The following ADAMTS20 variants were observed in gnomAD, a reference collection of about 807,000 sequenced individuals.
The protein encoded by ADAMTS20 is ADAM metallopeptidase with thrombospondin type 1 motif 20, also known as A disintegrin and metalloproteinase with thrombospondin motifs 20.
ADAMTS20 carries 225 observed loss-of-function variants against 260.1 expected under a neutral mutation model. The observed-to-expected ratio is 0.87, with a 90% CI of 0.78 to 0.97. The LOEUF is 0.97. Ranked by LOEUF, ADAMTS20 falls within the 50% of genes least tolerant of loss-of-function variation. The pLI, the probability that ADAMTS20 is intolerant of heterozygous loss-of-function variation, is 0.00. For synonymous variants in ADAMTS20, 802 were observed against 769.5 expected (o/e 1.04, Z -0.70); for missense variants, 2,400 against 2,337.7 (o/e 1.03, Z -0.55).
At chr12:43,496,157 T>A (rs1462301281) in intron 4 of ADAMTS20, among the ~76,000 whole-genome samples, 2 of 152,304 alleles carry the variant, frequency 1.3e-5, no homozygotes, top group East Asian at 3.9e-4. Flanking sequence ...TGAGTAAATA[T>A]TAAATGATAC....
chr12:43,500,599 T>A (rs761860322), intron 4 of ADAMTS20, among the ~76,000 whole-genome samples: 2 of 152,200 alleles, frequency 1.3e-5, no homozygotes. Context: ...GTTGTCATTT[T>A]AAAAAATTCA....
chr12:43,442,118 A>G (rs1941677166), intron 16 of ADAMTS20, among the ~76,000 whole-genome samples: 1 of 152,234 alleles, frequency 6.6e-6, no homozygotes, highest in African/African-American at 2.4e-5. Flanking sequence ...ACTTTTAGTT[A>G]CCAAACGTCA....
At chr12:43,432,548 A>T in intron 20 of ADAMTS20, 53 bp downstream of exon 20, 1 of 1,605,056 alleles carries the variant, frequency 6.2e-7, no homozygotes, top group Middle Eastern at 1.7e-4. Context: ...TAACATAAAT[A>T]CGTAATTAGA....
At chr12:43,490,899 C>T (rs1435761462) in intron 6 of ADAMTS20, among the ~76,000 whole-genome samples, 1 of 152,004 alleles carries the variant, frequency 6.6e-6, no homozygotes, top group Non-Finnish European at 1.5e-5. Flanking sequence ...TTTCTTATCA[C>T]CTCTTTCTCA....
intron 3 of ADAMTS20, among the ~76,000 whole-genome samples, chr12:43,503,142 TG>T (rs1179395819): frequency 8.7e-5 from 5 of 57,276 alleles, no homozygotes; most frequent in Non-Finnish European, 5.4e-5. Flanking sequence ...ATTGCCCTAA[TG>T]GAAAAAAAAA....
intron 4 of ADAMTS20, among the ~76,000 whole-genome samples, chr12:43,497,872 A>T (rs1942699584): frequency 6.6e-6 from 1 of 152,166 alleles, no homozygotes; most frequent in Non-Finnish European, 1.5e-5. Flanking sequence ...AATATTATAG[A>T]GTCAAACCCT....
rs139857945 is a variant in ADAMTS20, at chr12:43,502,496, A to G, written c.614-91T>C. On this transcript the variant is annotated intron_variant, in intron 3 of 38. Transcript: ENST00000389420. Reference sequence around the variant, plus strand: ...AATAGAACAGCCAAAAATATTTAATACTTACATATCTGTTCCCAACATGAA... The same window carrying G: ...AATAGAACAGCCAAAAATATTTAATGCTTACATATCTGTTCCCAACATGAA... 164 of 1,165,176 alleles carry G rather than the reference A, an allele frequency of 1.4e-4. No individual in the cohort carries two copies. The African/African-American group carries it at 2.3e-3, about 17-fold the overall frequency. The allele number at this position is 1,165,176 out of a possible 1,614,324, so 72.2% of individuals were successfully genotyped here.
intron 29 of ADAMTS20, among the ~76,000 whole-genome samples, chr12:43,388,544 C>T (rs190015826): frequency 2.0e-5 from 3 of 152,304 alleles, no homozygotes; most frequent in Admixed American, 2.0e-4. Flanking sequence ...GCTGTGTAAA[C>T]TGTAAACTTA....
chr12:43,550,903 A>G lies in ADAMTS20; in HGVS notation c.453+6T>C. 2 of 1,533,790 alleles carry G rather than the reference A, an allele frequency of 1.3e-6. No individual in the cohort carries two copies. Among genetic ancestry groups the G allele is most frequent in the Non-Finnish European group, 1.8e-6 (2 of 1,138,780 alleles). On this transcript the variant is annotated splice_donor_region_variant and intron_variant, in intron 2 of 38. Transcript: ENST00000389420. ...AGAAAATGCCAAGGGACCCGAGGACACTCACCAGGCCTCCGCATAAGCTGA... is the reference window on the plus strand; with the variant it reads ...AGAAAATGCCAAGGGACCCGAGGACGCTCACCAGGCCTCCGCATAAGCTGA...
At chr12:43,549,357 G>A (rs192741104) in intron 2 of ADAMTS20, among the ~76,000 whole-genome samples, 2 of 151,946 alleles carry the variant, frequency 1.3e-5, no homozygotes, top group Non-Finnish European at 2.9e-5. Context: ...ACAGTGACTA[G>A]AGAGTTATGA....
chr12:43,433,522 C>G (rs1941489324), intron 19 of ADAMTS20, among the ~76,000 whole-genome samples: 1 of 152,126 alleles, frequency 6.6e-6, no homozygotes, highest in Non-Finnish European at 1.5e-5. Flanking sequence ...TTCTGCTATG[C>G]CTTCAACCAA....
chr12:43,547,007 A>G (rs1943449528), intron 2 of ADAMTS20, among the ~76,000 whole-genome samples: 1 of 152,174 alleles, frequency 6.6e-6, no homozygotes, highest in Non-Finnish European at 1.5e-5. Flanking sequence ...AAACTAAACA[A>G]TACTAGTTAT....
rs1002996118 is a variant in ADAMTS20, at chr12:43,532,317, C to T, written c.454-122G>A. 135 of 816,546 alleles carry T rather than the reference C, an allele frequency of 1.7e-4. 2 individuals are homozygous for T. In the Middle Eastern group the frequency reaches 4.6e-3, roughly 28 times the overall value. 50.6% of individuals were successfully genotyped at this position (816,546 alleles called of 1,614,324 possible). A position where few individuals can be genotyped will look rare whatever the true frequency, so the allele number is the denominator to read the frequency against. On this transcript the variant is annotated intron_variant, in intron 2 of 38. Coordinates refer to ENST00000389420, the MANE Select transcript of ADAMTS20 (RefSeq NM_025003.5). ...CAGCAAGGAGTCTGTTCACTAAGAG[C>T]CATCAACTGAGCATAAAAAGTTTCC...
intron 7 of ADAMTS20, among the ~76,000 whole-genome samples, chr12:43,469,578 T>C (rs1383793361): frequency 6.6e-6 from 1 of 152,264 alleles, no homozygotes; most frequent in African/African-American, 2.4e-5. Context: ...ACCCTTCAAT[T>C]TGGTTGTAAA....
At chr12:43,364,953 C>A (rs1036827921) in intron 37 of ADAMTS20, among the ~76,000 whole-genome samples, 1 of 151,960 alleles carries the variant, frequency 6.6e-6, no homozygotes, top group African/African-American at 2.4e-5. Flanking sequence ...AGATGCACAT[C>A]AAATATGACA....
intron 2 of ADAMTS20, among the ~76,000 whole-genome samples, chr12:43,538,081 G>T (rs1293085835): frequency 6.6e-6 from 1 of 152,180 alleles, no homozygotes; most frequent in African/African-American, 2.4e-5. Flanking sequence ...TTAGTTTTCT[G>T]AGGACCCTCC....
At chr12:43,427,233 C>A in intron 27 of ADAMTS20, 75 bp downstream of exon 27, 1 of 1,459,598 alleles carries the variant, frequency 6.9e-7, no homozygotes, top group South Asian at 1.4e-5. Flanking sequence ...GATTATTGAA[C>A]AGTATAAGAT....
chr12:43,373,673 T>C (rs1487704228), intron 36 of ADAMTS20, among the ~76,000 whole-genome samples: 1 of 80,070 alleles, frequency 1.2e-5, no homozygotes, highest in African/African-American at 4.5e-5. Flanking sequence ...ATCATCTCTT[T>C]TTTTTTTTTT....
chr12:43,383,731 A>G lies in ADAMTS20; in HGVS notation c.4627-3T>C. 6.2e-7 allele frequency: 1 copy of G among 1,613,768 alleles called. No individual in the cohort carries two copies. The highest frequency in any genetic ancestry group is 1.1e-5 in the South Asian group (1 of 91,032). On this transcript the variant is annotated splice_region_variant and splice_polypyrimidine_tract_variant and intron_variant, in intron 30 of 38. Coordinates refer to ENST00000389420, the MANE Select transcript of ADAMTS20 (RefSeq NM_025003.5). ...TTTCTCTCACATGATGTTGAACACT[A>G]GAAATGCAATAACCAAATGAATAAC...
Sources: allele counts gnomAD v4.1 joint callset (sites outside exome capture counted in the v4.1 genomes callset), GRCh38; gene constraint gnomAD v4.1.1; transcripts MANE v1.5; gene names NCBI Gene and HGNC (gene_info 2026-07-23, HGNC 2026-07-21).